The following PLCZ1 variants were observed in gnomAD, a reference collection of about 807,000 sequenced individuals.
PLCZ1 encodes phospholipase C zeta 1, also known as 1-phosphatidylinositol 4,5-bisphosphate phosphodiesterase zeta-1.
A neutral mutation model predicts 76.8 loss-of-function variants in PLCZ1; 64 were observed. The ratio of observed to expected loss-of-function variants is 0.83; its 90% confidence interval spans 0.68 to 1.03. The LOEUF is 1.03. Among genes scored for constraint, PLCZ1 ranks in the 50% least tolerant of loss-of-function variants. PLCZ1 has a pLI of 0.00. For missense variants in PLCZ1, 751 were observed against 713.7 expected, an observed-to-expected ratio of 1.05 and a Z score of -0.60; for synonymous variants, 248 against 230.8, an observed-to-expected ratio of 1.07 and a Z score of -0.68.
chr12:18,734,352 G>A (rs1391405590), intron 3 of PLCZ1, among the ~76,000 whole-genome samples: 1 of 152,024 alleles, frequency 6.6e-6, no homozygotes, highest in Non-Finnish European at 1.5e-5. Flanking sequence ...TTTTGTTGTT[G>A]TTGTTGTTGT....
the PLCZ1 span, among the ~76,000 whole-genome samples, chr12:18,650,299 CTCTCT>C: frequency 7.7e-5 from 1 of 12,932 alleles, no homozygotes; most frequent in South Asian, 7.7e-3. Context: ...AAATTTCTCT[CTCTCT>C]CTCTCTCTCT....
Position 18,694,935 on chromosome 12 carries a change from C to G in PLCZ1, c.1436G>C (p.Gly479Ala). The stretch of plus-strand genomic sequence containing the variant: ...CCTTATTGTAAGTGTAATTGGCATA[C>G]CCTCTTTTATGTTACTTGGGTTAAA... ...SYFNPSNIKE[G>A]MPITLTIRLI... Residue 479 changes from glycine (G) to alanine (A), a missense_variant, in exon 12 of 15, where the codon GGT becomes GCT. Physicochemically the swap from Gly to Ala is moderately conservative, Grantham distance 60. Coordinates refer to ENST00000266505, the MANE Select transcript of PLCZ1 (RefSeq NM_033123.4). 6.2e-7 allele frequency: 1 copy of G among 1,601,276 alleles called. No homozygotes were observed. Among genetic ancestry groups the G allele is most frequent in the Non-Finnish European group, 8.5e-7 (1 of 1,169,926 alleles).
At chr12:18,731,182 T>C (rs555648838) in intron 3 of PLCZ1, 11 of 152,218 alleles carry the variant, frequency 7.2e-5, no homozygotes, top group African/African-American at 2.2e-4. Context: ...CGTGTTTCTA[T>C]GTGTTTTCTG....
At chr12:18,658,718 T>C in the PLCZ1 span, among the ~76,000 whole-genome samples, 3 of 152,152 alleles carry the variant, frequency 2.0e-5, no homozygotes, top group Admixed American at 2.0e-4. Context: ...GCTTGAGTTA[T>C]GCATATAAAT....
chr12:18,646,921 G>T, the PLCZ1 span, among the ~76,000 whole-genome samples: 1 of 151,030 alleles, frequency 6.6e-6, no homozygotes, highest in South Asian at 2.1e-4. Context: ...GAAAAAAAAA[G>T]TCACAAAAAA....
intron 9 of PLCZ1, 71 bp from the exon 10 acceptor site, chr12:18,700,021 A>G: frequency 8.0e-7 from 1 of 1,244,824 alleles, no homozygotes; most frequent in Non-Finnish European, 1.1e-6. Context: ...TCTAGTAAAG[A>G]AAATACACTT....
rs866344432 is a variant in PLCZ1 at position 18,712,950 on chromosome 12, G to A, written c.606C>T (p.Asp202=). 35 of 1,613,940 alleles carry A rather than the reference G, an allele frequency of 2.2e-5. 2 individuals are homozygous for A. In the Middle Eastern group the frequency reaches 4.5e-3, roughly 205 times the overall value. The part of the protein sequence containing the change: ...LVKGCRCLEI[D]CWDGAQNEPV... The stretch of plus-strand genomic sequence containing the variant: ...GTTCATTTTGTGCTCCATCCCAGCA[G>A]TCAATCTCCAAACAACGGCATCCTT... The change falls in exon 6 of 15, where the codon GAC becomes GAT. Residue 202 remains aspartate, a synonymous_variant. Coordinates refer to ENST00000266505, the MANE Select transcript of PLCZ1 (RefSeq NM_033123.4).
chr12:18,679,700 G>A (rs1048937032), downstream of PLCZ1, among the ~76,000 whole-genome samples: 2 of 151,940 alleles, frequency 1.3e-5, no homozygotes, highest in Non-Finnish European at 2.9e-5. Context: ...CAGATATTGT[G>A]ATTAATACAT....
Position 18,693,720 on chromosome 12 carries a change from A to C in PLCZ1, c.1461+1190T>G, listed in dbSNP as rs948715197. The C allele has an allele frequency of 9.7e-6, 15 of 1,550,928 alleles. No individual in the cohort carries two copies. In the African/African-American group the frequency reaches 1.5e-4, roughly 15 times the overall value. On this transcript the variant is annotated intron_variant, in intron 12 of 14. Coordinates refer to ENST00000266505, the MANE Select transcript of PLCZ1 (RefSeq NM_033123.4). ...CGAACAACGTTGGAACTGCTGAACC[A>C]GTTGGATGGATTTGATTCTAGGGTA...
chr12:18,728,279 T>A (rs1056069486), intron 3 of PLCZ1, among the ~76,000 whole-genome samples: 1 of 152,178 alleles, frequency 6.6e-6, no homozygotes, highest in African/African-American at 2.4e-5. Context: ...TCAACATTCT[T>A]ACACTCAATA....
the PLCZ1 span, among the ~76,000 whole-genome samples, chr12:18,666,002 G>A: frequency 6.6e-6 from 1 of 150,800 alleles, no homozygotes; most frequent in Non-Finnish European, 1.5e-5. Context: ...TGTGACCAAA[G>A]TCTTCGTATA....
chr12:18,682,646 T>C (rs1265056000), downstream of PLCZ1, among the ~76,000 whole-genome samples: 1 of 152,044 alleles, frequency 6.6e-6, no homozygotes, highest in Non-Finnish European at 1.5e-5. Context: ...ATCTCTTTTA[T>C]AGATACGGAG....
chr12:18,661,988 G>C, the PLCZ1 span, among the ~76,000 whole-genome samples: 1 of 152,064 alleles, frequency 6.6e-6, no homozygotes, highest in East Asian at 1.9e-4. Context: ...GGAGCTGGGG[G>C]CCATTATCCC....
chr12:18,695,583 C>G (rs1441648081), intron 11 of PLCZ1, among the ~76,000 whole-genome samples: 1 of 152,066 alleles, frequency 6.6e-6, no homozygotes, highest in East Asian at 1.9e-4. Flanking sequence ...ACACTCCACC[C>G]TCCACCCAGC....
intron 6 of PLCZ1, among the ~76,000 whole-genome samples, chr12:18,709,838 A>G (rs1288658199): frequency 6.6e-6 from 1 of 152,070 alleles, no homozygotes; most frequent in East Asian, 1.9e-4. Flanking sequence ...AATTTCTTTC[A>G]TCCATGTTTT....
the PLCZ1 span, among the ~76,000 whole-genome samples, chr12:18,672,187 G>C: frequency 6.6e-6 from 1 of 152,154 alleles, no homozygotes; most frequent in African/African-American, 2.4e-5. Context: ...ACATTTCTCA[G>C]TTTGGCAGAA....
intron 3 of PLCZ1, among the ~76,000 whole-genome samples, chr12:18,724,351 ACTGGG>A: frequency 2.0e-5 from 3 of 152,188 alleles, no homozygotes; most frequent in Non-Finnish European, 4.4e-5. Flanking sequence ...CTCAAGAATG[ACTGGG>A]GTCAGGGAGA....
chr12:18,736,244 T>A lies in PLCZ1; in HGVS notation c.112A>T (p.Ile38Phe), dbSNP rs141710608. The A allele has an allele frequency of 1.2e-6, 2 of 1,612,730 alleles. No individual in the cohort carries two copies. Among genetic ancestry groups the A allele is most frequent in the African/African-American group, 2.7e-5 (2 of 74,860 alleles). The change falls in exon 3 of 15, where the codon ATT becomes TTT. Residue 38 changes from isoleucine to phenylalanine, a missense_variant. Coordinates refer to ENST00000266505, the MANE Select transcript of PLCZ1 (RefSeq NM_033123.4). ...LEKLDIRCSY[I>F]HVKQIFKDND... The stretch of plus-strand genomic sequence containing the variant: ...ACCTTAAAAATCTGTTTCACATGAA[T>A]ATAACTGCACCGAATATCTAATTTT...
rs954721446 is a variant in PLCZ1, at chr12:18,695,095, A to T, written c.1292-16T>A. The T allele has an allele frequency of 6.2e-7, 1 of 1,608,028 alleles. No individual in the cohort carries two copies. The highest frequency in any genetic ancestry group is 8.5e-7 in the Non-Finnish European group (1 of 1,174,896). On this transcript the variant is annotated splice_polypyrimidine_tract_variant and intron_variant, in intron 11 of 14. Transcript: ENST00000266505. ...TTTAAAGCCACTGTAAGAAAGAAGT[A>T]TTTTGACATTGTCAGGTAATAGAGA...
Sources: allele counts gnomAD v4.1 joint callset (sites outside exome capture counted in the v4.1 genomes callset), GRCh38; gene constraint gnomAD v4.1.1; transcripts MANE v1.5; gene names NCBI Gene and HGNC (gene_info 2026-07-23, HGNC 2026-07-21).